Variants in SLC5A10 observed in about 807,000 individuals in gnomAD.
The protein encoded by SLC5A10 is sodium/mannose cotransporter SLC5A10.
Under a neutral mutation model 68.9 loss-of-function variants are expected in SLC5A10, and 55 were observed. That is an observed-to-expected ratio of 0.80 (90% CI 0.64 to 1.00). SLC5A10 has a LOEUF of 1.00. Ranked by LOEUF, SLC5A10 falls within the 50% of genes least tolerant of loss-of-function variation. SLC5A10 has a pLI of 0.00. For missense variants in SLC5A10, 732 were observed against 819.3 expected, an observed-to-expected ratio of 0.89 and a Z score of 1.30; for synonymous variants, 344 against 344.8, an observed-to-expected ratio of 1.00 and a Z score of 0.02.
At position 19,013,423 on chromosome 17, in the gene SLC5A10, C is replaced by T. The variant is rs1329748396; in HGVS notation, c.996C>T (p.Cys332=). 5.6e-6 allele frequency: 9 copies of T among 1,606,416 alleles called. No individual in the cohort carries two copies. Among genetic ancestry groups the T allele is most frequent in the East Asian group, 2.3e-5 (1 of 44,336 alleles). The change falls in exon 10 of 15, where the codon TGC becomes TGT. Residue 332 remains cysteine (C), a synonymous_variant. Coordinates refer to ENST00000395645, the MANE Select transcript of SLC5A10 (RefSeq NM_001042450.4). ...SRALFPDDVG[C]VVPSECLRAC... Reference sequence around the variant, plus strand: ...TCTCTCGAACAGATGATGTGGGCTGCGTGGTGCCGTCCGAGTGCCTGCGGG... The same window carrying T: ...TCTCTCGAACAGATGATGTGGGCTGTGTGGTGCCGTCCGAGTGCCTGCGGG...
intron 1 of SLC5A10, among the ~76,000 whole-genome samples, chr17:18,956,589 A>G (rs1211251774): frequency 6.9e-6 from 1 of 144,312 alleles, no homozygotes; most frequent in African/African-American, 2.6e-5. Context: ...TGATCCTCCC[A>G]CCTCAGACTC....
chr17:18,957,719 C>T (rs2042532221), intron 1 of SLC5A10, among the ~76,000 whole-genome samples: 2 of 152,354 alleles, frequency 1.3e-5, no homozygotes, highest in East Asian at 3.9e-4. Context: ...CCACCTCGGC[C>T]TCCCAAAGTG....
chr17:18,989,228 G>A (rs1309623084), intron 9 of SLC5A10, among the ~76,000 whole-genome samples: 1 of 151,728 alleles, frequency 6.6e-6, no homozygotes, highest in Non-Finnish European at 1.5e-5. Flanking sequence ...ACCACCTGGA[G>A]AAGAGGCCAG....
intron 7 of SLC5A10, 69 bp downstream of exon 7, chr17:18,969,491 C>A: frequency 1.4e-6 from 2 of 1,430,168 alleles, no homozygotes; most frequent in East Asian, 2.3e-5. Context: ...TGGCACTGCC[C>A]GGCACTGTGC....
rs201402801 is a variant in SLC5A10, at chr17:18,959,679, G to A, written c.348+16G>A. The A allele has an allele frequency of 6.2e-7, 1 of 1,613,682 alleles. No individual in the cohort carries two copies. ...CTCCTCAGAGGTGAGTCTACTCATG[G>A]GGCCTCCAGCTGGGGGGCTGGGCCT... On this transcript the variant is annotated intron_variant, in intron 4 of 14. Transcript: ENST00000395645.
Position 19,003,820 on chromosome 17 carries a change from G to C in SLC5A10, c.983-9590G>C. 1 of 1,612,892 alleles carries C rather than the reference G, an allele frequency of 6.2e-7. No individual in the cohort carries two copies. The highest frequency in any genetic ancestry group is 8.5e-7 in the Non-Finnish European group (1 of 1,179,890). On this transcript the variant is annotated intron_variant, in intron 9 of 14. Coordinates refer to ENST00000395645, the MANE Select transcript of SLC5A10 (RefSeq NM_001042450.4). The surrounding 1 kb of genome is among the most constrained non-coding windows in gnomAD (Gnocchi z 4.5). Reference sequence around the variant, plus strand: ...CCCGAGGGTCCTCAGAGCCCGGGTCGTACACCTCGATGGTCTCCAGGATGC... The same window carrying C: ...CCCGAGGGTCCTCAGAGCCCGGGTCCTACACCTCGATGGTCTCCAGGATGC...
At chr17:18,964,181 C>T (rs1404125113) in intron 5 of SLC5A10, among the ~76,000 whole-genome samples, 1 of 152,200 alleles carries the variant, frequency 6.6e-6, no homozygotes, top group Non-Finnish European at 1.5e-5. Context: ...GCTGTGTGCT[C>T]CGTTGGTTCC....
chr17:18,960,169 C>T (rs1302145324), intron 4 of SLC5A10, among the ~76,000 whole-genome samples: 2 of 152,254 alleles, frequency 1.3e-5, no homozygotes, highest in Non-Finnish European at 2.9e-5. Context: ...CTCAGCCTGT[C>T]CCCAGCTCTG....
chr17:18,959,495 TG>T, intron 3 of SLC5A10, 108 bp from the exon 4 acceptor site: 1 of 1,251,410 alleles, frequency 8.0e-7, no homozygotes, highest in Non-Finnish European at 1.2e-6. Context: ...CAGGAGGGGC[TG>T]GGGGAAGCCA....
intron 9 of SLC5A10, among the ~76,000 whole-genome samples, chr17:18,984,330 CTCA>C (rs1259684189): frequency 9.5e-5 from 11 of 115,470 alleles, no homozygotes; most frequent in African/African-American, 4.7e-4. Flanking sequence ...AAGACTCCCT[CTCA>C]AAAAAAAAAA....
In SLC5A10 at chr17:18,968,829, C is replaced by A; in HGVS notation, c.454-223C>A. 1 of 548,106 alleles carries A rather than the reference C, an allele frequency of 1.8e-6. No individual in the cohort carries two copies. 34.0% of individuals were successfully genotyped at this position (548,106 alleles called of 1,614,324 possible). A position where few individuals can be genotyped will look rare whatever the true frequency, so the allele number is the denominator to read the frequency against. On this transcript the variant is annotated intron_variant, in intron 5 of 14. Transcript: ENST00000395645. The surrounding 1 kb of genome is among the most constrained non-coding windows in gnomAD (Gnocchi z 4.1). ...TGGCCACTTTGGACTTTATTAGCAA[C>A]AGTAATGTCCCCTGACATCCGCACA...
intron 9 of SLC5A10, among the ~76,000 whole-genome samples, chr17:19,007,876 A>G (rs2043928668): frequency 6.6e-6 from 1 of 152,216 alleles, no homozygotes; most frequent in Non-Finnish European, 1.5e-5. Flanking sequence ...ATGAATCTCT[A>G]TATTTAACGT....
Position 18,971,717 on chromosome 17 carries a change from G to A in SLC5A10, c.846+499G>A, listed in dbSNP as rs1473625383. 1.3e-6 allele frequency: 2 copies of A among 1,590,094 alleles called. No individual in the cohort carries two copies. The highest frequency in any genetic ancestry group is 3.5e-5 in the Admixed American group (2 of 57,396). On this transcript the variant is annotated intron_variant, in intron 8 of 14. Transcript: ENST00000395645. This position sits in a 1 kb window ranked among gnomAD's most constrained non-coding sequence, Gnocchi z 5.5. ...GCCGTCTTTATCCCTAGTCCCTGAG[G>A]CAGGGACCCTGTGATGATGAAACTG...
At chr17:18,982,706 A>G (rs2043170140) in intron 9 of SLC5A10, among the ~76,000 whole-genome samples, 1 of 152,176 alleles carries the variant, frequency 6.6e-6, no homozygotes, top group East Asian at 1.9e-4. Context: ...TCCAGGCCAC[A>G]TGTGCTTAAA....
chr17:18,971,118 C>T lies in SLC5A10; in HGVS notation c.746C>T (p.Ala249Val). 1.9e-6 allele frequency: 3 copies of T among 1,614,120 alleles called. No individual in the cohort carries two copies. The highest frequency in any genetic ancestry group is 1.7e-6 in the Non-Finnish European group (2 of 1,180,034). The change falls in exon 8 of 15, where the codon GCC becomes GTC. Residue 249 changes from alanine (A) to valine (V), a missense_variant. Physicochemically the swap from Ala to Val is moderately conservative, Grantham distance 64. Coordinates refer to ENST00000395645, the MANE Select transcript of SLC5A10 (RefSeq NM_001042450.4). This position sits in a 1 kb window ranked among gnomAD's most constrained non-coding sequence, Gnocchi z 5.5. Reference sequence around the variant, plus strand: ...ACCTGCCACCTGCCACGTACAGACGCCATGCACATGTTTCGAGACCCCCAC... The same window carrying T: ...ACCTGCCACCTGCCACGTACAGACGTCATGCACATGTTTCGAGACCCCCAC... ...NTTCHLPRTD[A>V]MHMFRDPHTG...
At chr17:18,982,264 C>G (rs1000119288) in intron 9 of SLC5A10, among the ~76,000 whole-genome samples, 3 of 152,214 alleles carry the variant, frequency 2.0e-5, no homozygotes, top group Non-Finnish European at 4.4e-5. Context: ...TGGGGCTCAG[C>G]AGCAGGTGGG....
Position 18,965,674 on chromosome 17 carries a change from C to T in SLC5A10, c.454-3378C>T, listed in dbSNP as rs116314119. On this transcript the variant is annotated intron_variant, in intron 5 of 14. Coordinates refer to ENST00000395645, the MANE Select transcript of SLC5A10 (RefSeq NM_001042450.4). ...CTGCACCACAGGGCCCACACGTCCT[C>T]TCTCAGCCTTGCTCCCTCCCTGTGT... 6.8e-3 allele frequency among the ~76,000 whole-genome samples: 1,037 copies of T among 152,340 alleles called. 12 individuals are homozygous for T. The highest frequency in any genetic ancestry group is 0.024 in the African/African-American group (978 of 41,568).
chr17:19,011,669 G>A (rs969398945), intron 9 of SLC5A10, among the ~76,000 whole-genome samples: 1 of 151,930 alleles, frequency 6.6e-6, no homozygotes, highest in African/African-American at 2.4e-5. Flanking sequence ...GAGCCTGGGG[G>A]GCTAATGGGA....
intron 9 of SLC5A10, among the ~76,000 whole-genome samples, chr17:18,983,965 G>A (rs958024570): frequency 2.6e-5 from 4 of 152,168 alleles, no homozygotes; most frequent in African/African-American, 9.7e-5. Flanking sequence ...AACATCCTTG[G>A]CCACTCAATG....
Sources: gnomAD v4.1 joint callset for allele counts (sites outside exome capture counted in the v4.1 genomes callset) on GRCh38, gnomAD v4.1.1 for gene constraint, Gnocchi (gnomAD v3.1) non-coding constraint, MANE v1.5 for transcripts, NCBI Gene and HGNC (gene_info 2026-07-23, HGNC 2026-07-21) for gene names.